DCAKD: variants seen among roughly 807,000 people sequenced by gnomAD.
DCAKD encodes dephospho-CoA kinase domain-containing protein.
DCAKD carries 15 observed loss-of-function variants against 18.7 expected under a neutral mutation model. The observed-to-expected ratio is 0.80, with a 90% CI of 0.54 to 1.24. The LOEUF (loss-of-function observed/expected upper bound fraction) is 1.24, where lower values mean the gene tolerates loss of function less well. Ranked by LOEUF, DCAKD falls within the 50% of genes most tolerant of loss-of-function variation. The pLI, the probability that DCAKD is intolerant of heterozygous loss-of-function variation, is 0.00. For synonymous variants in DCAKD, 130 were observed against 133.0 expected (o/e 0.98, Z 0.16); for missense variants, 301 against 322.0 (o/e 0.93, Z 0.50).
At chr17:45,050,054 CTTTT>C (rs1295423715) in intron 1 of DCAKD, among the ~76,000 whole-genome samples, 1 of 144,994 alleles carries the variant, frequency 6.9e-6, no homozygotes, top group Non-Finnish European at 1.5e-5. Flanking sequence ...TTCTTTCTTT[CTTTT>C]GAGAAGGAGT....
chr17:45,051,706 G>GAC, upstream of DCAKD: 4 of 110,460 alleles, frequency 3.6e-5, no homozygotes, highest in African/African-American at 1.3e-4. Flanking sequence ...TGGACGGGCG[G>GAC]GGCCGGGAGA....
chr17:45,034,696 A>C, intron 2 of DCAKD, 78 bp downstream of exon 2: 1 of 1,467,230 alleles, frequency 6.8e-7, no homozygotes, highest in Non-Finnish European at 9.3e-7. Context: ...GAGACTTATA[A>C]AAAAAGGAGG....
chr17:45,053,966 A>G, upstream of DCAKD: 1 of 449,130 alleles, frequency 2.2e-6, no homozygotes, highest in Non-Finnish European at 4.4e-6. Context: ...CCTATCTACT[A>G]CTACAATACC....
intron 1 of DCAKD, among the ~76,000 whole-genome samples, chr17:45,040,245 G>C (rs2053401891): frequency 6.6e-6 from 1 of 151,986 alleles, no homozygotes; most frequent in Admixed American, 6.6e-5. Context: ...AAATTAGCCA[G>C]GCATGGTGGC....
upstream of DCAKD, among the ~76,000 whole-genome samples, chr17:45,052,397 C>A (rs2053726173): frequency 6.6e-6 from 1 of 152,186 alleles, no homozygotes; most frequent in African/African-American, 2.4e-5. Context: ...ATACTATCAT[C>A]ATCCCCATTT....
upstream of DCAKD, among the ~76,000 whole-genome samples, chr17:45,053,800 T>C (rs554752294): frequency 3.5e-4 from 53 of 152,278 alleles, no homozygotes; most frequent in South Asian, 3.5e-3. Context: ...TGACCTCAGG[T>C]GATCCACCCA....
upstream of DCAKD, among the ~76,000 whole-genome samples, chr17:45,055,020 T>C (rs1233325372): frequency 2.0e-5 from 3 of 152,138 alleles, no homozygotes; most frequent in Admixed American, 1.3e-4. Flanking sequence ...GAAGATCCCA[T>C]AGGAAAGGGT....
At chr17:45,058,162 A>G (rs1165723359) in intron 1 of DCAKD, among the ~76,000 whole-genome samples, 1 of 151,824 alleles carries the variant, frequency 6.6e-6, no homozygotes, top group Non-Finnish European at 1.5e-5. Context: ...TGTAAGTACA[A>G]AAATTAGCCA....
At chr17:45,054,136 G>C (rs1225350313), upstream of DCAKD, 1 of 518,868 alleles carries the variant, frequency 1.9e-6, no homozygotes, top group Non-Finnish European at 3.8e-6. Context: ...GTGTCCAAAA[G>C]GGCCATTTGG....
upstream of DCAKD, among the ~76,000 whole-genome samples, chr17:45,052,906 G>GT (rs2143401640): frequency 6.6e-6 from 1 of 152,096 alleles, no homozygotes; most frequent in East Asian, 1.9e-4. Context: ...GCTCACGCCT[G>GT]TAATCCCAGC....
At chr17:45,035,184 A>G (rs2053266715) in intron 1 of DCAKD, 185 bp from the exon 2 acceptor site, 1 of 328,694 alleles carries the variant, frequency 3.0e-6, no homozygotes, top group African/African-American at 2.2e-5. Context: ...AAACACTCGC[A>G]AAGAAGGCAA....
intron 3 of DCAKD, chr17:45,031,528 C>T (rs1232437664): frequency 2.0e-6 from 2 of 985,072 alleles, no homozygotes. Context: ...CAGTCCCTCG[C>T]TAGGTGCCCC....
At chr17:45,044,094 G>C (rs1216990913) in intron 1 of DCAKD, among the ~76,000 whole-genome samples, 1 of 152,106 alleles carries the variant, frequency 6.6e-6, no homozygotes, top group Non-Finnish European at 1.5e-5. Flanking sequence ...GATCATGTCA[G>C]GCCTCTGCTC....
chr17:45,024,019 G>T lies in DCAKD; in HGVS notation c.*414C>A. 1 of 174,068 alleles carries T rather than the reference G, an allele frequency of 5.7e-6. No homozygotes were observed. The highest frequency in any genetic ancestry group is 1.2e-5 in the Non-Finnish European group (1 of 80,988). 10.8% of individuals were successfully genotyped at this position (174,068 alleles called of 1,614,324 possible). A position where few individuals can be genotyped will look rare whatever the true frequency, so the allele number is the denominator to read the frequency against. The stretch of plus-strand genomic sequence containing the variant: ...CACTGAGGAGGTTTAGGCCACAATG[G>T]GGTAGGTGCTTAGAGAGGATTCAAG... On this transcript the variant is annotated 3_prime_UTR_variant, in exon 5 of 5. Coordinates refer to ENST00000651974, the MANE Select transcript of DCAKD (RefSeq NM_001288655.2).
chr17:45,043,963 G>A (rs568635463), intron 1 of DCAKD, among the ~76,000 whole-genome samples: 3 of 152,194 alleles, frequency 2.0e-5, no homozygotes, highest in South Asian at 2.1e-4. Flanking sequence ...CCACCATGTC[G>A]CTGCGGAAGC....
chr17:45,033,222 T>C (rs1167880370), intron 3 of DCAKD, among the ~76,000 whole-genome samples: 1 of 149,718 alleles, frequency 6.7e-6, no homozygotes, highest in East Asian at 1.9e-4. Flanking sequence ...AGAACAGGGC[T>C]TGAACCATGG....
intron 3 of DCAKD, chr17:45,031,926 A>G (rs2053177891): frequency 2.0e-6 from 2 of 985,354 alleles, no homozygotes; most frequent in Non-Finnish European, 2.4e-6. Flanking sequence ...TGGAAGCCAC[A>G]GCTGTCGTCC....
At chr17:45,048,018 T>G (rs1233624747) in intron 1 of DCAKD, among the ~76,000 whole-genome samples, 1 of 152,148 alleles carries the variant, frequency 6.6e-6, no homozygotes, top group African/African-American at 2.4e-5. Flanking sequence ...GATAACACAA[T>G]TTTAAAAAAG....
chr17:45,053,491 G>A (rs1474197841), upstream of DCAKD, among the ~76,000 whole-genome samples: 3 of 151,936 alleles, frequency 2.0e-5, no homozygotes, highest in South Asian at 2.1e-4. Flanking sequence ...GCATGATCTC[G>A]GCTCACTGCA....
Sources: gnomAD v4.1 joint callset for allele counts (sites outside exome capture counted in the v4.1 genomes callset) on GRCh38, gnomAD v4.1.1 for gene constraint, MANE v1.5 for transcripts, NCBI Gene and HGNC (gene_info 2026-07-23, HGNC 2026-07-21) for gene names.